JCAD: variants seen among roughly 807,000 people sequenced by gnomAD.
JCAD encodes junctional cadherin 5-associated protein.
JCAD carries 40 observed loss-of-function variants against 98.0 expected under a neutral mutation model. That is an observed-to-expected ratio of 0.41 (90% confidence interval 0.32 to 0.53). The LOEUF is 0.53. Ranked by LOEUF, JCAD falls within the 20% of genes least tolerant of loss-of-function variation. The probability of loss-of-function intolerance (pLI) is 0.31; values close to 1 mark genes in which losing one functional copy is unlikely to be tolerated. For missense variants in JCAD, 1,705 were observed against 1,738.1 expected (o/e 0.98, Z 0.34); for synonymous variants, 691 against 682.3 (o/e 1.01, Z -0.20).
chr10:30,024,042 G>A (rs1434416319), intron 3 of JCAD, among the ~76,000 whole-genome samples: 1 of 152,152 alleles, frequency 6.6e-6, no homozygotes, highest in Non-Finnish European at 1.5e-5. Flanking sequence ...ATGCATGCCT[G>A]TAGTCCCAGC....
intron 1 of JCAD, among the ~76,000 whole-genome samples, chr10:30,108,950 C>T (rs530408912): frequency 1.3e-5 from 2 of 152,186 alleles, no homozygotes; most frequent in South Asian, 2.1e-4. Flanking sequence ...TTTTCTCTGT[C>T]CTGAATCTGT....
intron 1 of JCAD, among the ~76,000 whole-genome samples, chr10:30,049,303 C>T (rs1050720898): frequency 6.6e-6 from 1 of 152,292 alleles, no homozygotes; most frequent in African/African-American, 2.4e-5. Context: ...GAAATAGAGC[C>T]GCTGCAGCCA....
rs767759818 is a variant in JCAD, at chr10:30,047,598, C to T, written c.215G>A (p.Arg72His). The T allele has an allele frequency of 1.4e-5, 22 of 1,614,086 alleles. No homozygotes were observed. The highest frequency in any genetic ancestry group is 5.0e-5 in the Admixed American group (3 of 60,018). The part of the protein sequence containing the change: ...GKGHVSDSES[R>H]RSTPRGHGEP... ...CCCGTGGCCTCTCGGTGTGCTGCGGCGGCTTTCGGAGTCACTCACATGTCC... is the reference window on the plus strand; with the variant it reads ...CCCGTGGCCTCTCGGTGTGCTGCGGTGGCTTTCGGAGTCACTCACATGTCC... The change falls in exon 2 of 4, where the codon CGC becomes CAC. Residue 72 changes from arginine (R) to histidine (H), a missense_variant. Physicochemically the swap from Arg to His is conservative, Grantham distance 29. Transcript: ENST00000375377.
Position 30,027,450 on chromosome 10 carries a change from C to T in JCAD, c.2698G>A (p.Glu900Lys), listed in dbSNP as rs1286816292. 2.5e-6 allele frequency: 4 copies of T among 1,604,812 alleles called. No homozygotes were observed. Among genetic ancestry groups the T allele is most frequent in the Non-Finnish European group, 1.7e-6 (2 of 1,179,986 alleles). The change falls in exon 3 of 4, where the codon GAG (glutamate) becomes AAG (lysine). Residue 900 changes from glutamate (E) to lysine (K), a missense_variant. By Grantham distance (56) the Glu-to-Lys change is moderately conservative. Transcript: ENST00000375377. ...CTTCCCGACCTACACACAGGGCTCT[C>T]CGGCACCCACATCCTCGGCTGTGGC... ...VEPQPRMWVP[E>K]SPVCRSGRGE...
At chr10:30,024,485 T>C (rs1589676873) in intron 3 of JCAD, among the ~76,000 whole-genome samples, 1 of 152,084 alleles carries the variant, frequency 6.6e-6, no homozygotes, top group Admixed American at 6.6e-5. Context: ...GTAACCCTTT[T>C]CCTACCATAA....
At chr10:30,030,244 G>A (rs1454561434) in intron 2 of JCAD, among the ~76,000 whole-genome samples, 1 of 152,196 alleles carries the variant, frequency 6.6e-6, no homozygotes, top group African/African-American at 2.4e-5. Flanking sequence ...AGGAGTTTGA[G>A]ACCAGCCTGT....
chr10:30,041,273 C>G (rs1837237785), intron 2 of JCAD, among the ~76,000 whole-genome samples: 1 of 152,096 alleles, frequency 6.6e-6, no homozygotes, highest in Non-Finnish European at 1.5e-5. Flanking sequence ...TGTTCATGAG[C>G]ATGCCAGCCC....
At position 30,047,855 on chromosome 10, in the gene JCAD, G is replaced by A. The variant is rs1316069245; in HGVS notation, c.-43C>T. 1.3e-6 allele frequency: 2 copies of A among 1,565,356 alleles called. No individual in the cohort carries two copies. Among genetic ancestry groups the A allele is most frequent in the Admixed American group, 1.8e-5 (1 of 55,230 alleles). ...AAAGCTCAACCACTGGAACCATGGT[G>A]GTGGCAGGACCCAGCACTGCAGGAC... On this transcript the variant is annotated 5_prime_UTR_variant, in exon 2 of 4. Transcript: ENST00000375377.
At chr10:30,105,278 G>A (rs898067387) in intron 1 of JCAD, among the ~76,000 whole-genome samples, 5 of 152,056 alleles carry the variant, frequency 3.3e-5, no homozygotes, top group African/African-American at 1.2e-4. Flanking sequence ...GAGATTGACT[G>A]TGCTGTCACC....
chr10:30,028,997 C>T lies in JCAD; in HGVS notation c.1151G>A (p.Gly384Asp). 1 of 1,614,010 alleles carries T rather than the reference C, an allele frequency of 6.2e-7. No homozygotes were observed. The highest frequency in any genetic ancestry group is 8.5e-7 in the Non-Finnish European group (1 of 1,180,014). ...QSPTEKAGAS[G>D]QPPSGPPGTG... ...TCCAGGGGGGCCTGAAGGAGGCTGA[C>T]CGCTGGCCCCAGCCTTCTCGGTCGG... The change falls in exon 3 of 4, where the codon GGT (glycine) becomes GAT (aspartate). Residue 384 changes from glycine (G) to aspartate (D), a missense_variant. Gly to Asp is a moderately conservative substitution (Grantham distance 94, BLOSUM62 -1). Transcript: ENST00000375377.
chr10:30,085,095 C>T (rs1225576948), intron 1 of JCAD, among the ~76,000 whole-genome samples: 1 of 152,116 alleles, frequency 6.6e-6, no homozygotes, highest in African/African-American at 2.4e-5. Flanking sequence ...TCTTTTCTTC[C>T]AGTTATATAA....
intron 2 of JCAD, among the ~76,000 whole-genome samples, chr10:30,039,680 G>A (rs1327835504): frequency 2.0e-5 from 3 of 152,186 alleles, no homozygotes; most frequent in Non-Finnish European, 2.9e-5. Context: ...CTCGGGGCAC[G>A]TGCAGAGGGG....
intron 1 of JCAD, among the ~76,000 whole-genome samples, chr10:30,085,813 T>C (rs942491460): frequency 1.3e-5 from 2 of 152,208 alleles, no homozygotes; most frequent in African/African-American, 4.8e-5. Flanking sequence ...TAAGGTAATG[T>C]CCAATCCATG....
intron 1 of JCAD, among the ~76,000 whole-genome samples, chr10:30,071,265 C>T (rs556568946): frequency 2.8e-4 from 43 of 152,284 alleles, no homozygotes; most frequent in African/African-American, 8.9e-4. Context: ...TTTGCTGTGA[C>T]CTCACATGAC....
At chr10:30,086,823 T>G (rs1838174982) in intron 1 of JCAD, among the ~76,000 whole-genome samples, 1 of 152,244 alleles carries the variant, frequency 6.6e-6, no homozygotes, top group South Asian at 2.1e-4. Context: ...GACTGAGAAG[T>G]CAGAGATAGT....
intron 2 of JCAD, among the ~76,000 whole-genome samples, chr10:30,043,010 A>G (rs1397431140): frequency 6.6e-6 from 1 of 152,216 alleles, no homozygotes; most frequent in East Asian, 1.9e-4. Flanking sequence ...AAAAACAATT[A>G]CTGTCTACTC....
chr10:30,112,711 A>C (rs1374875801), intron 1 of JCAD, among the ~76,000 whole-genome samples: 1 of 151,926 alleles, frequency 6.6e-6, no homozygotes, highest in Non-Finnish European at 1.5e-5. Flanking sequence ...ATCTCTATTA[A>C]AAATAAAAAA....
Position 30,078,677 on chromosome 10 carries a change from C to A in JCAD, n.129-8856G>T, listed in dbSNP as rs562168958. On this transcript the variant is annotated intron_variant and non_coding_transcript_variant, in intron 1 of 2. Coordinates refer to the JCAD transcript ENST00000465712. Reference sequence around the variant, plus strand: ...TCCTTTAATGATCAGCTAATGGCAACAGGTCCCCTTTACACTACTACACAA... The same window carrying A: ...TCCTTTAATGATCAGCTAATGGCAAAAGGTCCCCTTTACACTACTACACAA... Among the ~76,000 whole-genome samples the A allele has an allele frequency of 2.0e-5, 3 of 151,982 alleles. No homozygotes were observed. In the East Asian group the frequency reaches 5.8e-4, roughly 29 times the overall value.
At chr10:30,038,269 T>C (rs1837162358) in intron 2 of JCAD, among the ~76,000 whole-genome samples, 1 of 152,168 alleles carries the variant, frequency 6.6e-6, no homozygotes, top group African/African-American at 2.4e-5. Flanking sequence ...GGCGCCAGCT[T>C]GGAAACTGTC....
Sources: gnomAD v4.1 joint callset for allele counts (sites outside exome capture counted in the v4.1 genomes callset) on GRCh38, gnomAD v4.1.1 for gene constraint, MANE v1.5 for transcripts, NCBI Gene and HGNC (gene_info 2026-07-23, HGNC 2026-07-21) for gene names.